Variants in PHF14 observed in about 807,000 individuals in gnomAD.
The protein encoded by PHF14 is PHD finger protein 14.
Under a neutral mutation model 117.9 loss-of-function variants are expected in PHF14, and 55 were observed. The observed-to-expected ratio is 0.47, with a 90% CI of 0.38 to 0.58. PHF14 has a LOEUF of 0.58. PHF14 is among the 20% of genes least tolerant of loss of function. The pLI is 0.00. For synonymous variants in PHF14, 409 were observed against 368.6 expected, an observed-to-expected ratio of 1.11 and a Z score of -1.26; for missense variants, 978 against 1,122.2, an observed-to-expected ratio of 0.87 and a Z score of 1.84.
intron 16 of PHF14, among the ~76,000 whole-genome samples, chr7:11,067,850 C>G (rs35580506): frequency 6.6e-6 from 1 of 151,782 alleles, no homozygotes; most frequent in African/African-American, 2.4e-5. Context: ...GCTCTTTTTA[C>G]TATCCAACTA....
chr7:11,042,637 TATG>T, intron 12 of PHF14, 43 bp from the exon 13 acceptor site: 1 of 1,362,940 alleles, frequency 7.3e-7, no homozygotes, highest in Non-Finnish European at 1.0e-6. Flanking sequence ...ACTGTTTCAC[TATG>T]ATAATTATTA....
chr7:11,106,836 C>T (rs1787281883), intron 16 of PHF14: 31 of 984,002 alleles, frequency 3.2e-5, no homozygotes, highest in Non-Finnish European at 3.7e-5. Context: ...TTTAAGTGGA[C>T]AGACATAATA....
chr7:11,011,405 A>G (rs1020365281), intron 4 of PHF14, among the ~76,000 whole-genome samples: 4 of 152,160 alleles, frequency 2.6e-5, no homozygotes, highest in African/African-American at 9.7e-5. Context: ...ATATATATAA[A>G]CTTACCCATA....
intron 14 of PHF14, chr7:11,061,549 A>G: frequency 3.6e-6 from 1 of 281,396 alleles, no homozygotes; most frequent in Non-Finnish European, 6.5e-6. Context: ...TTTCTATCAG[A>G]TACATGTTTA....
At chr7:11,098,609 C>T (rs1786966861) in intron 16 of PHF14, among the ~76,000 whole-genome samples, 1 of 152,172 alleles carries the variant, frequency 6.6e-6, no homozygotes, top group African/African-American at 2.4e-5. Context: ...CCATTGTCCT[C>T]ACTAATATCC....
intron 17 of PHF14, among the ~76,000 whole-genome samples, chr7:11,136,861 T>C (rs1437763334): frequency 6.6e-6 from 1 of 152,216 alleles, no homozygotes; most frequent in Non-Finnish European, 1.5e-5. Context: ...AACATGGTCA[T>C]AATTATTTTA....
intron 5 of PHF14, among the ~76,000 whole-genome samples, chr7:11,016,770 T>C (rs1783549034): frequency 6.6e-6 from 1 of 152,204 alleles, no homozygotes; most frequent in African/African-American, 2.4e-5. Context: ...AAGTTATTTT[T>C]AAGTGTACAA....
At chr7:11,168,292 C>T (rs901521209) in intron 17 of PHF14, among the ~76,000 whole-genome samples, 1 of 151,978 alleles carries the variant, frequency 6.6e-6, no homozygotes, top group Non-Finnish European at 1.5e-5. Context: ...CTCTACTTTC[C>T]CAGTGTTAAC....
chr7:11,130,294 C>T lies in PHF14; in HGVS notation c.2772+18827C>T, dbSNP rs543924574. Among the ~76,000 whole-genome samples the T allele has an allele frequency of 3.4e-4, 52 of 152,016 alleles. No individual in the cohort carries two copies. The highest frequency in any genetic ancestry group is 6.5e-4 in the Non-Finnish European group (44 of 67,958). On this transcript the variant is annotated intron_variant, in intron 17 of 17. Coordinates refer to ENST00000634607, the MANE Select transcript of PHF14 (RefSeq NM_001007157.2). This position sits in a 1 kb window ranked among gnomAD's most constrained non-coding sequence, Gnocchi z 4.2. ...TAAGAAGCCAGTAAGTGTAATGCTA[C>T]CACCATATGCTACCATACTTCCAAG...
chr7:11,068,349 CA>C (rs10659513), intron 16 of PHF14, among the ~76,000 whole-genome samples: 4,098 of 66,468 alleles, frequency 0.062, 60 homozygotes, highest in African/African-American at 0.16. Context: ...GACTCCGTCT[CA>C]AAAAAAAAAA....
intron 16 of PHF14, among the ~76,000 whole-genome samples, chr7:11,080,427 G>A (rs992856494): frequency 1.3e-5 from 2 of 152,054 alleles, no homozygotes; most frequent in African/African-American, 4.8e-5. Context: ...TCAATTAAGG[G>A]AATGGAAATT....
At chr7:11,161,528 A>G (rs867670635) in intron 17 of PHF14, among the ~76,000 whole-genome samples, 6 of 151,914 alleles carry the variant, frequency 3.9e-5, no homozygotes, top group Non-Finnish European at 8.8e-5. Context: ...TTTTTATTCA[A>G]TCTGAAAAAT....
chr7:11,150,541 A>G (rs1403985466), intron 17 of PHF14, among the ~76,000 whole-genome samples: 1 of 152,134 alleles, frequency 6.6e-6, no homozygotes, highest in Non-Finnish European at 1.5e-5. Flanking sequence ...AGGAAGTGGG[A>G]ATTTTTATTT....
chr7:11,058,264 C>T (rs1785088911), intron 14 of PHF14, among the ~76,000 whole-genome samples: 1 of 151,944 alleles, frequency 6.6e-6, no homozygotes, highest in South Asian at 2.1e-4. Flanking sequence ...CTTTTTTGTA[C>T]CATTTCTCCC....
Position 11,038,811 on chromosome 7 carries a change from G to A in PHF14, c.2032G>A (p.Glu678Lys), listed in dbSNP as rs1259433072. Reference sequence around the variant, plus strand: ...AAACCTGAATGGAAAACTTCGAAGTGAAGGACAAGGAATATGGGCTTTACT... The same window carrying A: ...AAACCTGAATGGAAAACTTCGAAGTAAAGGACAAGGAATATGGGCTTTACT... ...LQNLNGKLRS[E>K]GQGIWALLGR... The change falls in exon 11 of 18, where the codon GAA (glutamate) becomes AAA (lysine). Residue 678 changes from glutamate to lysine, a missense_variant. This residue lies in a region of PHF14 where 237 missense variants were observed against 276.4 expected (regional missense o/e 0.86). Transcript: ENST00000634607. 6.3e-7 allele frequency: 1 copy of A among 1,599,020 alleles called. No individual in the cohort carries two copies. The highest frequency in any genetic ancestry group is 1.7e-5 in the Admixed American group (1 of 59,052).
intron 16 of PHF14, chr7:11,105,319 A>T (rs939273242): frequency 1.1e-6 from 1 of 941,792 alleles, no homozygotes; most frequent in Non-Finnish European, 1.3e-6. Flanking sequence ...ACCAATAAAT[A>T]ATAAAATATT....
chr7:11,026,361 C>G (rs992708773), intron 6 of PHF14, among the ~76,000 whole-genome samples: 2 of 152,098 alleles, frequency 1.3e-5, no homozygotes, highest in African/African-American at 4.8e-5. Context: ...TAGTATAAAC[C>G]TAACTTGAAA....
chr7:11,141,526 A>G (rs1788396654), intron 17 of PHF14, among the ~76,000 whole-genome samples: 1 of 152,098 alleles, frequency 6.6e-6, no homozygotes, highest in South Asian at 2.1e-4. Flanking sequence ...TTATATGCAG[A>G]AAAAGTAAAA....
chr7:11,025,852 C>T (rs1056366208), intron 6 of PHF14, among the ~76,000 whole-genome samples: 7 of 152,048 alleles, frequency 4.6e-5, no homozygotes, highest in Non-Finnish European at 1.0e-4. Flanking sequence ...TGGCTCACGC[C>T]TGTAATCCCG....
Sources: allele counts gnomAD v4.1 joint callset (sites outside exome capture counted in the v4.1 genomes callset), GRCh38; gene constraint gnomAD v4.1.1; regional missense constraint gnomAD v4.1.1; non-coding constraint Gnocchi (gnomAD v3.1); transcripts MANE v1.5; gene names NCBI Gene and HGNC (gene_info 2026-07-23, HGNC 2026-07-21).